ADPRHL1: variants seen among roughly 807,000 people sequenced by gnomAD.
ADPRHL1 encodes ADP-ribosylhydrolase like 1.
A neutral mutation model predicts 44.1 loss-of-function variants in ADPRHL1; 43 were observed. The observed-to-expected ratio is 0.98, with a 90% CI of 0.76 to 1.26. The LOEUF is 1.26. ADPRHL1 is among the 50% of genes most tolerant of loss of function. ADPRHL1 has a pLI of 0.00. For missense variants in ADPRHL1, 2,022 were observed against 2,496.9 expected, an observed-to-expected ratio of 0.81 and a Z score of 4.05; for synonymous variants, 878 against 1,017.4, an observed-to-expected ratio of 0.86 and a Z score of 2.61.
chr13:113,410,865 G>T (rs146490070), intron 7 of ADPRHL1, among the ~76,000 whole-genome samples: 1 of 152,348 alleles, frequency 6.6e-6, no homozygotes, highest in East Asian at 1.9e-4. Flanking sequence ...CCTGCCTTCC[G>T]CCGGGCGTCT....
chr13:113,434,887 C>G (rs2044038114), intron 2 of ADPRHL1, among the ~76,000 whole-genome samples: 1 of 131,092 alleles, frequency 7.6e-6, no homozygotes, highest in African/African-American at 3.0e-5. Context: ...ACCCCGGGAC[C>G]CAGCACCCAG....
intron 5 of ADPRHL1, 127 bp from the exon 6 acceptor site, chr13:113,424,476 G>T: frequency 7.6e-7 from 1 of 1,313,140 alleles, no homozygotes; most frequent in Non-Finnish European, 1.0e-6. Context: ...TTCTTTTTGA[G>T]ATGAATCTGG....
chr13:113,408,813 C>T (rs544542216), intron 7 of ADPRHL1, among the ~76,000 whole-genome samples: 280 of 121,840 alleles, frequency 2.3e-3, no homozygotes, highest in African/African-American at 9.0e-3. Flanking sequence ...GGAACCAGCA[C>T]TGCAGTGGGC....
intron 7 of ADPRHL1, among the ~76,000 whole-genome samples, chr13:113,421,238 CGGGACACGCCCACCCCA>C (rs199953058): frequency 0.072 from 4,391 of 60,762 alleles, 1,025 homozygotes; most frequent in East Asian, 0.27. Flanking sequence ...CCTCTACCCC[CGGGACACGCCCACCCCA>C]GGGACACGCC....
intron 4 of ADPRHL1, among the ~76,000 whole-genome samples, chr13:113,425,901 G>A (rs573269096): frequency 3.0e-4 from 46 of 151,892 alleles, no homozygotes; most frequent in African/African-American, 1.0e-3. Flanking sequence ...GGCTGGTCTC[G>A]AATTCCTGAC....
intron 7 of ADPRHL1, chr13:113,422,304 G>A (rs1001382342): frequency 3.3e-5 from 5 of 152,428 alleles, no homozygotes; most frequent in African/African-American, 1.2e-4. Context: ...GTGTCCCGCA[G>A]GCCCCAGTGT....
chr13:113,424,177 C>G, intron 6 of ADPRHL1, 40 bp downstream of exon 6: 1 of 1,609,444 alleles, frequency 6.2e-7, no homozygotes, highest in Non-Finnish European at 8.5e-7. Flanking sequence ...AAGAAGGGTG[C>G]TACCCTCCAG....
rs774985178 is a variant in ADPRHL1, at chr13:113,453,315, C to A, written c.123G>T (p.Gly41=). 9 of 1,614,188 alleles carry A rather than the reference C, an allele frequency of 5.6e-6. No homozygotes were observed. The highest frequency in any genetic ancestry group is 7.6e-6 in the Non-Finnish European group (9 of 1,180,048). ...GCGAGAGTACGAGGTGGTCCAGGCC[C>A]CCGGAACGTTGCAGCTCCTCCTGGA... is the stretch of plus-strand genomic sequence containing the variant. ...MKIQEELQRS[G]GLDHLVLSPG... The change falls in exon 1 of 8, where the codon GGG becomes GGT. Residue 41 remains glycine, a synonymous_variant. Transcript: ENST00000612156. The surrounding 1 kb of genome is among the most constrained non-coding windows in gnomAD (Gnocchi z 5.4).
chr13:113,446,324 AC>A (rs1159779474), intron 1 of ADPRHL1, among the ~76,000 whole-genome samples: 1 of 150,886 alleles, frequency 6.6e-6, no homozygotes, highest in Admixed American at 6.6e-5. Flanking sequence ...ATGGCTGTGA[AC>A]CCCCCAGAGA....
In ADPRHL1 at chr13:113,400,215, G is replaced by C. The variant is rs190651717; in HGVS notation, c.*3163C>G. The C allele has an allele frequency of 4.2e-5, 6 of 142,916 alleles. No individual in the cohort carries two copies. The highest frequency in any genetic ancestry group is 1.4e-4 in the Admixed American group (2 of 13,972). 8.9% of individuals were successfully genotyped at this position (142,916 alleles called of 1,614,324 possible). A position where few individuals can be genotyped will look rare whatever the true frequency, so the allele number is the denominator to read the frequency against. Reference sequence around the variant, plus strand: ...GGCTGGAGTGCAGTGGCGCAATCTCGGCTCACTGCAAGCTCCACCTCCCGG... The same window carrying C: ...GGCTGGAGTGCAGTGGCGCAATCTCCGCTCACTGCAAGCTCCACCTCCCGG... On this transcript the variant is annotated 3_prime_UTR_variant, in exon 8 of 8. Transcript: ENST00000612156.
intron 7 of ADPRHL1, among the ~76,000 whole-genome samples, chr13:113,408,636 G>C (rs774754253): frequency 1.3e-5 from 2 of 152,250 alleles, no homozygotes; most frequent in Non-Finnish European, 2.9e-5. Flanking sequence ...TGTGGACTGT[G>C]TATGTCTCTA....
intron 2 of ADPRHL1, among the ~76,000 whole-genome samples, chr13:113,439,408 C>A (rs1475937325): frequency 1.3e-5 from 2 of 151,440 alleles, no homozygotes; most frequent in Admixed American, 6.6e-5. Context: ...CGGGTGTGAG[C>A]CACCGTGCCC....
intron 2 of ADPRHL1, among the ~76,000 whole-genome samples, chr13:113,434,393 G>C (rs934768146): frequency 2.5e-4 from 37 of 145,200 alleles, no homozygotes; most frequent in African/African-American, 9.8e-4. Context: ...CCAGCACCCA[G>C]GCGTAGAGTG....
At chr13:113,432,227 G>A (rs932025034) in intron 3 of ADPRHL1, among the ~76,000 whole-genome samples, 3 of 152,052 alleles carry the variant, frequency 2.0e-5, no homozygotes, top group Admixed American at 6.5e-5. Context: ...GGGTTCAGGC[G>A]ATCCTCCTAC....
intron 7 of ADPRHL1, among the ~76,000 whole-genome samples, chr13:113,415,172 C>G (rs2043880852): frequency 6.6e-6 from 1 of 152,294 alleles, no homozygotes; most frequent in African/African-American, 2.4e-5. Context: ...GGGGCTGCAC[C>G]TTTGGGCTCC....
chr13:113,403,851 T>C lies in ADPRHL1; in HGVS notation c.5431A>G (p.Ser1811Gly). ...WEQGREQALT[S>G]GMAPRAWEQP... ...TCCCAGGCCCGAGGCGCCATCCCAC[T>C]TGTCAAGGCCTGTTCCCGACCCTGT... Residue 1811 changes from serine to glycine, a missense_variant, in exon 8 of 8, where the codon AGT becomes GGT. Physicochemically the swap from Ser to Gly is moderately conservative, Grantham distance 56. Transcript: ENST00000612156. 1 of 1,050,100 alleles carries C rather than the reference T, an allele frequency of 9.5e-7. No homozygotes were observed. The highest frequency in any genetic ancestry group is 1.2e-6 in the Non-Finnish European group (1 of 866,890). The allele number at this position is 1,050,100 out of a possible 1,614,324, so 65.0% of individuals were successfully genotyped here. A position where few individuals can be genotyped will look rare whatever the true frequency, so the allele number is the denominator to read the frequency against.
chr13:113,405,515 C>A lies in ADPRHL1; in HGVS notation c.3767G>T (p.Gly1256Val). 1 of 1,232,148 alleles carries A rather than the reference C, an allele frequency of 8.1e-7. No individual in the cohort carries two copies. Among genetic ancestry groups the A allele is most frequent in the Non-Finnish European group, 1.0e-6 (1 of 988,294 alleles). The allele number at this position is 1,232,148 out of a possible 1,614,324, so 76.3% of individuals were successfully genotyped here. ...KDVAVEGNLL[G>V]FSTESGIPAS... ...AGGAATTCCAGACTCTGTGCTGAAA[C>A]CCAAAAGGTTTCCTTCCACAGCCAC... The change falls in exon 8 of 8, where the codon GGT (glycine) becomes GTT (valine). Residue 1256 changes from glycine (G) to valine (V), a missense_variant. Physicochemically the swap from Gly to Val is moderately radical, Grantham distance 109. This residue lies in a region of ADPRHL1 where 1,221 missense variants were observed against 1,517.8 expected (regional missense o/e 0.80). Coordinates refer to ENST00000612156, the MANE Select transcript of ADPRHL1 (RefSeq NM_001394807.1).
rs185141958 is a variant in ADPRHL1, at chr13:113,406,276, G to A, written c.3006C>T (p.Ser1002=). 1.1e-5 allele frequency: 13 copies of A among 1,232,100 alleles called. No homozygotes were observed. Among genetic ancestry groups the A allele is most frequent in the African/African-American group, 3.1e-5 (2 of 64,548 alleles). The allele number at this position is 1,232,100 out of a possible 1,614,324, so 76.3% of individuals were successfully genotyped here. A position where few individuals can be genotyped will look rare whatever the true frequency, so the allele number is the denominator to read the frequency against. The change falls in exon 8 of 8, where the codon TCC becomes TCT. Residue 1002 remains serine, a synonymous_variant. Coordinates refer to ENST00000612156, the MANE Select transcript of ADPRHL1 (RefSeq NM_001394807.1). The part of the protein sequence containing the change: ...SNEISMQKKG[S]ATNDPAASQN... ...GTGAGGCTGCAGGATCATTTGTTGCGGAGCCCTTCTTCTGCATTGATATTT... is the reference window on the plus strand; with the variant it reads ...GTGAGGCTGCAGGATCATTTGTTGCAGAGCCCTTCTTCTGCATTGATATTT...
chr13:113,442,271 A>G lies in ADPRHL1; in HGVS notation c.379+2154T>C, dbSNP rs377646038. On this transcript the variant is annotated intron_variant, in intron 2 of 7. Transcript: ENST00000612156. Reference sequence around the variant, plus strand: ...GGAGTTCAAGACCAGTCAGGGCAACAAAGTGAGATCCTCTCTCTACAAAAA... The same window carrying G: ...GGAGTTCAAGACCAGTCAGGGCAACGAAGTGAGATCCTCTCTCTACAAAAA... Among the ~76,000 whole-genome samples, 6 of 152,370 alleles carry G rather than the reference A, an allele frequency of 3.9e-5. No individual in the cohort carries two copies. In the East Asian group the frequency reaches 7.7e-4, roughly 20 times the overall value.
Sources: allele counts gnomAD v4.1 joint callset (sites outside exome capture counted in the v4.1 genomes callset), GRCh38; gene constraint gnomAD v4.1.1; regional missense constraint gnomAD v4.1.1; non-coding constraint Gnocchi (gnomAD v3.1); transcripts MANE v1.5; gene names NCBI Gene and HGNC (gene_info 2026-07-23, HGNC 2026-07-21).